Variants in PCDH7 observed in about 807,000 individuals in gnomAD.
PCDH7 encodes protocadherin 7.
A neutral mutation model predicts 58.9 loss-of-function variants in PCDH7; 17 were observed. The ratio of observed to expected loss-of-function variants is 0.29; its 90% CI spans 0.20 to 0.43. The LOEUF (loss-of-function observed/expected upper bound fraction) is 0.43. Ranked by LOEUF, PCDH7 falls within the 20% of genes least tolerant of loss-of-function variation. The pLI, the probability that PCDH7 is intolerant of heterozygous loss-of-function variation, is 1.00. For missense variants in PCDH7, 1,274 were observed against 1,441.0 expected (o/e 0.88, Z 1.88); for synonymous variants, 664 against 616.4 (o/e 1.08, Z -1.14).
intron 3 of PCDH7, among the ~76,000 whole-genome samples, chr4:31,113,831 CTTTTTTT>C (rs35105911): frequency 8.4e-5 from 9 of 107,496 alleles, no homozygotes; most frequent in Non-Finnish European, 1.3e-4. Context: ...GTTAACCTTT[CTTTTTTT>C]TTTTTTTTTT....
chr4:30,823,339 T>G (rs764733111), intron 1 of PCDH7, among the ~76,000 whole-genome samples: 1 of 152,174 alleles, frequency 6.6e-6, no homozygotes, highest in Non-Finnish European at 1.5e-5. Context: ...CTATTAGCTG[T>G]GGAAAATCTG....
At chr4:30,943,749 T>C (rs543069803) in intron 2 of PCDH7, among the ~76,000 whole-genome samples, 28 of 151,906 alleles carry the variant, frequency 1.8e-4, no homozygotes, top group African/African-American at 6.0e-4. Flanking sequence ...GCTCATCAGC[T>C]ATCATTACTG....
chr4:31,145,162 C>A (rs1355077850), downstream of PCDH7: 1 of 151,848 alleles, frequency 6.6e-6, no homozygotes, highest in African/African-American at 2.4e-5. Context: ...ATACGGGTCA[C>A]ACCGGACCTT....
intron 3 of PCDH7, among the ~76,000 whole-genome samples, chr4:31,139,760 G>C (rs1156480784): frequency 6.6e-6 from 1 of 152,132 alleles, no homozygotes; most frequent in Admixed American, 6.5e-5. Context: ...TGGAAGTTTT[G>C]ATTGCTTGTG....
intron 1 of PCDH7, among the ~76,000 whole-genome samples, chr4:30,838,008 C>T (rs2109336048): frequency 6.6e-6 from 1 of 151,090 alleles, no homozygotes; most frequent in East Asian, 1.9e-4. Context: ...TGTTAAGTTC[C>T]AAAATATTGT....
At chr4:30,807,474 G>A (rs529598636) in intron 1 of PCDH7, among the ~76,000 whole-genome samples, 2 of 152,126 alleles carry the variant, frequency 1.3e-5, no homozygotes, top group African/African-American at 4.8e-5. Flanking sequence ...ACTGTTTTAC[G>A]GTGACAGCAG....
At chr4:30,731,361 G>GTATATATATATATATA (rs977162352) in exon 2 of PCDH7, 19 of 149,838 alleles carry the variant, frequency 1.3e-4, no homozygotes, top group African/African-American at 4.4e-4. Context: ...GTGTGTGTGT[G>GTATATATATATATATA]TATATATATA....
intron 2 of PCDH7, among the ~76,000 whole-genome samples, chr4:30,932,577 A>G (rs2109427583): frequency 6.6e-6 from 1 of 152,290 alleles, no homozygotes; most frequent in East Asian, 1.9e-4. Context: ...AATCACTCAT[A>G]TGTATATTTG....
chr4:30,817,050 A>G (rs1727774856), intron 1 of PCDH7, among the ~76,000 whole-genome samples: 1 of 152,168 alleles, frequency 6.6e-6, no homozygotes. Context: ...ATCCTTAGGT[A>G]TTTGATTATT....
At chr4:30,866,849 T>C (rs934142601) in intron 1 of PCDH7, among the ~76,000 whole-genome samples, 1 of 152,156 alleles carries the variant, frequency 6.6e-6, no homozygotes, top group Non-Finnish European at 1.5e-5. Flanking sequence ...AAGAAGTTTC[T>C]GTATGTAGCC....
intron 1 of PCDH7, among the ~76,000 whole-genome samples, chr4:30,836,567 T>A (rs981120922): frequency 6.6e-6 from 1 of 152,188 alleles, no homozygotes. Flanking sequence ...TGTTGGCAAA[T>A]TTTTTCATAG....
At chr4:30,898,803 G>A (rs1290110329) in intron 1 of PCDH7, among the ~76,000 whole-genome samples, 2 of 152,140 alleles carry the variant, frequency 1.3e-5, no homozygotes, top group African/African-American at 4.8e-5. Flanking sequence ...GTGTTAGCCA[G>A]GATGGTCTTG....
intron 1 of PCDH7, among the ~76,000 whole-genome samples, chr4:30,862,936 A>C (rs1475537148): frequency 2.0e-5 from 3 of 152,130 alleles, no homozygotes; most frequent in African/African-American, 7.2e-5. Context: ...GTATTGCCAA[A>C]AGTGATTTAA....
intron 1 of PCDH7, among the ~76,000 whole-genome samples, chr4:30,780,094 A>C (rs1722590177): frequency 6.6e-6 from 1 of 152,232 alleles, no homozygotes; most frequent in African/African-American, 2.4e-5. Context: ...GGCCAAATGT[A>C]ATTAGAACTC....
At chr4:30,906,890 G>A (rs1473732320) in intron 1 of PCDH7, among the ~76,000 whole-genome samples, 2 of 151,996 alleles carry the variant, frequency 1.3e-5, no homozygotes, top group Non-Finnish European at 2.9e-5. Context: ...GGGCGTGGTG[G>A]CGGGTGCCTG....
At chr4:30,727,059 C>T (rs75577834) in intron 1 of PCDH7, among the ~76,000 whole-genome samples, 3,518 of 151,876 alleles carry the variant, frequency 0.023, 209 homozygotes, top group East Asian at 0.21. Context: ...CAGGGTTTCG[C>T]GGGAATTTCC....
chr4:30,941,713 C>T (rs1180297926), intron 2 of PCDH7, among the ~76,000 whole-genome samples: 2 of 151,680 alleles, frequency 1.3e-5, no homozygotes, highest in Admixed American at 6.6e-5. Flanking sequence ...CACAACCTGC[C>T]CTCCCATACC....
intron 2 of PCDH7, among the ~76,000 whole-genome samples, chr4:30,922,152 T>G (rs998363766): frequency 4.6e-5 from 7 of 151,472 alleles, no homozygotes; most frequent in Non-Finnish European, 7.4e-5. Context: ...ATATATAATA[T>G]GTATATAGTA....
At chr4:30,971,647 G>A (rs1347181993) in intron 3 of PCDH7, among the ~76,000 whole-genome samples, 1 of 152,168 alleles carries the variant, frequency 6.6e-6, no homozygotes, top group African/African-American at 2.4e-5. Flanking sequence ...CTTTGACAAG[G>A]ATGCACAGTA....
Sources: gnomAD v4.1 joint callset for allele counts (sites outside exome capture counted in the v4.1 genomes callset) on GRCh38, gnomAD v4.1.1 for gene constraint, MANE v1.5 for transcripts, NCBI Gene and HGNC (gene_info 2026-07-23, HGNC 2026-07-21) for gene names.